The following CDK17 variants were observed in gnomAD, a reference collection of about 807,000 sequenced individuals.
The protein encoded by CDK17 is cyclin dependent kinase 17.
CDK17 carries 24 observed loss-of-function variants against 77.6 expected under a neutral mutation model. The ratio of observed to expected loss-of-function variants is 0.31; its 90% confidence interval spans 0.22 to 0.44. The LOEUF (loss-of-function observed/expected upper bound fraction) is 0.44, where lower values mean the gene tolerates loss of function less well. CDK17 is among the 20% of genes least tolerant of loss of function. The pLI is 1.00. For missense variants in CDK17, 429 were observed against 622.5 expected, an observed-to-expected ratio of 0.69 and a Z score of 3.31; for synonymous variants, 203 against 210.4, an observed-to-expected ratio of 0.96 and a Z score of 0.30.
chr12:96,351,847 A>G (rs1239454332), intron 1 of CDK17, among the ~76,000 whole-genome samples: 1 of 152,184 alleles, frequency 6.6e-6, no homozygotes, highest in African/African-American at 2.4e-5. Flanking sequence ...ACAACAGAAT[A>G]TATCAGGATT....
At position 96,280,061 on chromosome 12, in the gene CDK17, C is replaced by T; in HGVS notation, c.*181G>A. ...TAAAACCGACTGTACAAAAAATTGT[C>T]ACACTGTGACAACAAATATAAAAAC... On this transcript the variant is annotated 3_prime_UTR_variant, in exon 17 of 17. Transcript: ENST00000261211. The T allele has an allele frequency of 1.8e-6, 1 of 566,584 alleles. No homozygotes were observed. The highest frequency in any genetic ancestry group is 2.9e-6 in the Non-Finnish European group (1 of 343,750). 35.1% of individuals were successfully genotyped at this position (566,584 alleles called of 1,614,324 possible).
intron 10 of CDK17, among the ~76,000 whole-genome samples, chr12:96,292,941 T>C (rs1952345996): frequency 6.6e-6 from 1 of 152,172 alleles, no homozygotes; most frequent in Non-Finnish European, 1.5e-5. Context: ...CTTTCAGTAG[T>C]TGCTTCTAAA....
At chr12:96,355,398 G>GTTTTTTTTT (rs58937020) in intron 1 of CDK17, among the ~76,000 whole-genome samples, 2 of 72,456 alleles carry the variant, frequency 2.8e-5, no homozygotes, top group Admixed American at 2.1e-4. Flanking sequence ...TCTACATTGG[G>GTTTTTTTTT]TTTTTTTTTT....
chr12:96,298,803 T>A (rs1466247690), intron 7 of CDK17, 66 bp downstream of exon 7: 1 of 870,372 alleles, frequency 1.1e-6, no homozygotes. Flanking sequence ...GAGCTCTTTT[T>A]ACTTATAAAA....
chr12:96,377,489 T>C (rs1162540965), intron 1 of CDK17, among the ~76,000 whole-genome samples: 1 of 151,942 alleles, frequency 6.6e-6, no homozygotes. Context: ...CTTAAACATA[T>C]GAAAAAATGT....
chr12:96,284,845 G>A (rs1317777361), intron 13 of CDK17, among the ~76,000 whole-genome samples: 2 of 152,248 alleles, frequency 1.3e-5, no homozygotes, highest in South Asian at 2.1e-4. Flanking sequence ...GATTACAGGC[G>A]TGAATCACCG....
intron 13 of CDK17, among the ~76,000 whole-genome samples, chr12:96,285,514 A>G (rs1952234543): frequency 6.6e-6 from 1 of 152,170 alleles, no homozygotes; most frequent in Non-Finnish European, 1.5e-5. Context: ...TGAAAATGTA[A>G]TACATTCTAC....
Position 96,370,499 on chromosome 12 carries a change from A to G in CDK17, c.-30+29487T>C, listed in dbSNP as rs116257953. 2.6e-3 allele frequency among the ~76,000 whole-genome samples: 399 copies of G among 152,310 alleles called. 1 individual carries two copies. Among genetic ancestry groups the G allele is most frequent in the African/African-American group, 9.2e-3 (384 of 41,556 alleles). Reference sequence around the variant, plus strand: ...AATATGCAATTCAGAGCAAGATCAAAAGTAGGATAAGCAACCCACTTCATT... The same window carrying G: ...AATATGCAATTCAGAGCAAGATCAAGAGTAGGATAAGCAACCCACTTCATT... On this transcript the variant is annotated intron_variant, in intron 1 of 16. Transcript: ENST00000261211.
chr12:96,294,876 T>C (rs934385949), intron 10 of CDK17, 123 bp downstream of exon 10: 10 of 758,796 alleles, frequency 1.3e-5, no homozygotes, highest in Non-Finnish European at 1.9e-5. Flanking sequence ...TCTTATTCTG[T>C]GGGCTACCGA....
At chr12:96,370,900 G>T (rs192725119) in intron 1 of CDK17, among the ~76,000 whole-genome samples, 1 of 151,832 alleles carries the variant, frequency 6.6e-6, no homozygotes, top group South Asian at 2.1e-4. Context: ...TTTCTGAAAC[G>T]TTTAAGAGTA....
At chr12:96,333,520 A>T (rs1030080189) in intron 2 of CDK17, among the ~76,000 whole-genome samples, 2 of 151,978 alleles carry the variant, frequency 1.3e-5, no homozygotes, top group African/African-American at 2.4e-5. Flanking sequence ...AAAATAATAA[A>T]AAACTTAGCT....
intron 3 of CDK17, among the ~76,000 whole-genome samples, chr12:96,313,751 C>CT (rs1399272501): frequency 2.0e-5 from 3 of 152,116 alleles, no homozygotes; most frequent in South Asian, 2.1e-4. Context: ...TGAGCCAGTT[C>CT]TTTCATTTTC....
chr12:96,374,382 C>G (rs1290544190), intron 1 of CDK17, among the ~76,000 whole-genome samples: 2 of 152,180 alleles, frequency 1.3e-5, no homozygotes, highest in Non-Finnish European at 2.9e-5. Context: ...TCATTCTTCA[C>G]CTAGCCTTAC....
chr12:96,282,469 TA>T, intron 15 of CDK17, 39 bp downstream of exon 15: 2 of 1,367,486 alleles, frequency 1.5e-6, no homozygotes, highest in Non-Finnish European at 2.1e-6. Flanking sequence ...CTTGGACAAA[TA>T]AAAATAAAGC....
chr12:96,298,220 G>A (rs1952440136), intron 7 of CDK17, among the ~76,000 whole-genome samples: 1 of 151,582 alleles, frequency 6.6e-6, no homozygotes, highest in Non-Finnish European at 1.5e-5. Context: ...CCAGGAGGCG[G>A]AGCTTGCAGT....
At chr12:96,368,805 A>C (rs990831527) in intron 1 of CDK17, among the ~76,000 whole-genome samples, 1 of 1,614 alleles carries the variant, frequency 6.2e-4, no homozygotes, top group Non-Finnish European at 2.1e-3. Flanking sequence ...CTACTCTAAG[A>C]CGGGGGGGGG....
chr12:96,332,166 T>C (rs1328544726), intron 2 of CDK17, among the ~76,000 whole-genome samples: 3 of 152,202 alleles, frequency 2.0e-5, no homozygotes, highest in Non-Finnish European at 2.9e-5. Context: ...GTTTGTAGCC[T>C]ATAAGTAACA....
At position 96,308,420 on chromosome 12, in the gene CDK17, T is replaced by C. The variant is rs183194029; in HGVS notation, c.543+2632A>G. On this transcript the variant is annotated intron_variant, in intron 5 of 16. Transcript: ENST00000261211. Reference sequence around the variant, plus strand: ...AGTGAGACCTTGTCTCTAAAGAAAATAGTTCCATTATATAATAATATGTAA... The same window carrying C: ...AGTGAGACCTTGTCTCTAAAGAAAACAGTTCCATTATATAATAATATGTAA... Among the ~76,000 whole-genome samples the C allele has an allele frequency of 2.6e-3, 387 of 151,038 alleles. 8 individuals carry two copies. Among genetic ancestry groups the C allele is most frequent in the Admixed American group, 0.024 (370 of 15,110 alleles).
chr12:96,299,273 A>G (rs1209167058), intron 6 of CDK17, among the ~76,000 whole-genome samples: 1 of 152,246 alleles, frequency 6.6e-6, no homozygotes, highest in Non-Finnish European at 1.5e-5. Flanking sequence ...CAATTAGATC[A>G]ATAGCTTTAA....
Sources: gnomAD v4.1 joint callset for allele counts (sites outside exome capture counted in the v4.1 genomes callset) on GRCh38, gnomAD v4.1.1 for gene constraint, MANE v1.5 for transcripts, NCBI Gene and HGNC (gene_info 2026-07-23, HGNC 2026-07-21) for gene names.